Variants in ABL1 observed in about 807,000 individuals in gnomAD.
The protein encoded by ABL1 is ABL proto-oncogene 1, non-receptor tyrosine kinase, also known as tyrosine-protein kinase ABL1.
A neutral mutation model predicts 94.7 loss-of-function variants in ABL1; 11 were observed. That is an observed-to-expected ratio of 0.12 (90% CI 0.07 to 0.19). ABL1 has a LOEUF of 0.19. Ranked by LOEUF, ABL1 falls within the 10% of genes least tolerant of loss-of-function variation. ABL1 has a pLI of 1.00. For missense variants in ABL1, 1,082 were observed against 1,489.4 expected, an observed-to-expected ratio of 0.73 and a Z score of 4.50; for synonymous variants, 656 against 622.4, an observed-to-expected ratio of 1.05 and a Z score of -0.80.
At chr9:130,732,454 C>G (rs1416183422) in intron 1 of ABL1, among the ~76,000 whole-genome samples, 2 of 152,160 alleles carry the variant, frequency 1.3e-5, no homozygotes, top group Non-Finnish European at 2.9e-5. Flanking sequence ...TATCCTTTAT[C>G]TATAATAGCT....
At chr9:130,859,621 C>T (rs548493786) in intron 3 of ABL1, among the ~76,000 whole-genome samples, 1 of 150,496 alleles carries the variant, frequency 6.6e-6, no homozygotes, top group East Asian at 1.9e-4. Context: ...AGTCTAAGCT[C>T]CGTTAGGCCT....
chr9:130,813,715 G>A (rs913951347), intron 1 of ABL1, among the ~76,000 whole-genome samples: 8 of 152,210 alleles, frequency 5.3e-5, no homozygotes, highest in African/African-American at 1.9e-4. Flanking sequence ...AATCAACAGC[G>A]AAGTAAGTAA....
At chr9:130,769,365 G>T (rs1042931789) in intron 1 of ABL1, among the ~76,000 whole-genome samples, 3 of 100,422 alleles carry the variant, frequency 3.0e-5, no homozygotes, top group South Asian at 3.1e-4. Flanking sequence ...TTGGAGTTTC[G>T]CTCTTGTCCA....
chr9:130,785,953 A>AC (rs1378696608), intron 1 of ABL1, among the ~76,000 whole-genome samples: 1 of 151,268 alleles, frequency 6.6e-6, no homozygotes, highest in Non-Finnish European at 1.5e-5. Flanking sequence ...AAAAAAAAAA[A>AC]AATCTCCTGT....
At position 130,814,133 on chromosome 9, in the gene ABL1, A is replaced by G. The variant is rs770772421; in HGVS notation, c.137-39931A>G. ...AACCCCGTCTCTACTAACCATACAA[A>G]AATTAGCTGGGCGTGGTGGCGCTTG... On this transcript the variant is annotated intron_variant, in intron 1 of 10. Transcript: ENST00000372348. This position sits in a 1 kb window ranked among gnomAD's most constrained non-coding sequence, Gnocchi z 4.4. Among the ~76,000 whole-genome samples, 1 of 152,080 alleles carries G rather than the reference A, an allele frequency of 6.6e-6. No individual in the cohort carries two copies. Among genetic ancestry groups the G allele is most frequent in the Non-Finnish European group, 1.5e-5 (1 of 68,002 alleles).
At chr9:130,721,828 T>G (rs1056759662) in intron 1 of ABL1, among the ~76,000 whole-genome samples, 30 of 149,138 alleles carry the variant, frequency 2.0e-4, no homozygotes, top group Non-Finnish European at 2.5e-4. Flanking sequence ...TTTTGTTTTT[T>G]TTTTTTTTTT....
intron 1 of ABL1, among the ~76,000 whole-genome samples, chr9:130,804,210 T>A (rs1830093232): frequency 6.6e-6 from 1 of 150,832 alleles, no homozygotes; most frequent in Non-Finnish European, 1.5e-5. Flanking sequence ...TACAAAAAAA[T>A]TAGCAGGGCG....
chr9:130,854,808 G>C lies in ABL1; in HGVS notation c.261G>C (p.Lys87Asn), dbSNP rs775695843. The C allele has an allele frequency of 6.2e-7, 1 of 1,613,152 alleles. No homozygotes were observed. The highest frequency in any genetic ancestry group is 1.3e-5 in the African/African-American group (1 of 75,018). ...DNTLSITKGE[K>N]LRVLGYNHNG... ...TGGTTCCTTTCTTCTCAGGTGAAAAGCTCCGGGTCTTAGGCTATAATCACA... is the reference window on the plus strand; with the variant it reads ...TGGTTCCTTTCTTCTCAGGTGAAAACCTCCGGGTCTTAGGCTATAATCACA... Residue 87 changes from lysine to asparagine, a missense_variant, in exon 3 of 11, where the codon AAG (lysine) becomes AAC (asparagine). Coordinates refer to ENST00000318560, the MANE Select transcript of ABL1 (RefSeq NM_005157.6).
intron 1 of ABL1, among the ~76,000 whole-genome samples, chr9:130,765,781 T>A (rs1047978321): frequency 2.2e-4 from 33 of 152,204 alleles, no homozygotes; most frequent in African/African-American, 8.0e-4. Context: ...TGCCACAGAT[T>A]TAATGCTTGA....
intron 3 of ABL1, among the ~76,000 whole-genome samples, chr9:130,858,029 C>T (rs1169821630): frequency 6.6e-6 from 1 of 152,010 alleles, no homozygotes; most frequent in Admixed American, 6.6e-5. Flanking sequence ...GGGTGATTTT[C>T]TGGAGCAGAC....
intron 1 of ABL1, among the ~76,000 whole-genome samples, chr9:130,849,537 T>G (rs1830824755): frequency 6.6e-6 from 1 of 151,704 alleles, no homozygotes; most frequent in African/African-American, 2.4e-5. Context: ...TGTTTTTTTT[T>G]GAGACGATGT....
chr9:130,747,079 T>G (rs1197910906), intron 1 of ABL1, among the ~76,000 whole-genome samples: 2 of 152,138 alleles, frequency 1.3e-5, no homozygotes, highest in Non-Finnish European at 2.9e-5. Context: ...CAAGTCTCCC[T>G]CAGGCTGGGC....
chr9:130,755,605 C>G (rs572221407), intron 1 of ABL1, among the ~76,000 whole-genome samples: 1 of 152,130 alleles, frequency 6.6e-6, no homozygotes, highest in Non-Finnish European at 1.5e-5. Flanking sequence ...CAAGACGTGC[C>G]CCCTCACATG....
At chr9:130,846,990 T>G (rs535451100) in intron 1 of ABL1, among the ~76,000 whole-genome samples, 1 of 152,240 alleles carries the variant, frequency 6.6e-6, no homozygotes, top group African/African-American at 2.4e-5. Flanking sequence ...CTGGTTCTTA[T>G]AAAATTTCCA....
intron 1 of ABL1, among the ~76,000 whole-genome samples, chr9:130,718,213 G>T (rs913395361): frequency 5.3e-5 from 8 of 151,590 alleles, no homozygotes; most frequent in Non-Finnish European, 1.2e-4. Flanking sequence ...AGCTACTCAG[G>T]AGGCTGAGGC....
chr9:130,857,635 T>A (rs1830996772), intron 3 of ABL1, among the ~76,000 whole-genome samples: 1 of 147,060 alleles, frequency 6.8e-6, no homozygotes, highest in South Asian at 2.1e-4. Context: ...CTTTTTAACT[T>A]TTTTTTTTTT....
At chr9:130,721,691 CAGAG>C (rs1471230323) in intron 1 of ABL1, among the ~76,000 whole-genome samples, 3 of 151,990 alleles carry the variant, frequency 2.0e-5, no homozygotes, top group Non-Finnish European at 4.4e-5. Flanking sequence ...ATCTGGGTGA[CAGAG>C]TGAGACCCTG....
chr9:130,873,011 C>T lies in ABL1; in HGVS notation c.1059C>T (p.Tyr353=), dbSNP rs2132997581. ...MATQISSAME[Y]LEKKNFIHRD... ...CTCAGATCTCGTCAGCCATGGAGTA[C>T]CTGGAGAAGAAAAACTTCATCCACA... The change falls in exon 6 of 11, where the codon TAC becomes TAT. Residue 353 remains tyrosine (Y), a synonymous_variant. Coordinates refer to ENST00000318560, the MANE Select transcript of ABL1 (RefSeq NM_005157.6). 6.2e-7 allele frequency: 1 copy of T among 1,613,890 alleles called. No individual in the cohort carries two copies. Among genetic ancestry groups the T allele is most frequent in the Non-Finnish European group, 8.5e-7 (1 of 1,179,892 alleles).
chr9:130,713,653 G>C (rs1331793453), exon 1 of ABL1, among the ~76,000 whole-genome samples: 1 of 152,166 alleles, frequency 6.6e-6, no homozygotes, highest in Non-Finnish European at 1.5e-5. Context: ...CTTAGTCTCA[G>C]CTCAGCCAAA....
Sources: gnomAD v4.1 joint callset for allele counts (sites outside exome capture counted in the v4.1 genomes callset) on GRCh38, gnomAD v4.1.1 for gene constraint, Gnocchi (gnomAD v3.1) non-coding constraint, MANE v1.5 for transcripts, NCBI Gene and HGNC (gene_info 2026-07-23, HGNC 2026-07-21) for gene names.